Variants in MAP9 observed in about 807,000 individuals in gnomAD.
The protein encoded by MAP9 is microtubule-associated protein 9.
A neutral mutation model predicts 75.2 loss-of-function variants in MAP9; 80 were observed. The ratio of observed to expected loss-of-function variants is 1.06; its 90% CI spans 0.89 to 1.28. The LOEUF (loss-of-function observed/expected upper bound fraction) is 1.28. Among genes scored for constraint, MAP9 ranks in the 50% most tolerant of loss-of-function variants. The pLI, the probability that MAP9 is intolerant of heterozygous loss-of-function variation, is 0.00. For synonymous variants in MAP9, 235 were observed against 237.3 expected, an observed-to-expected ratio of 0.99 and a Z score of 0.09; for missense variants, 753 against 719.9, an observed-to-expected ratio of 1.05 and a Z score of -0.53.
At position 155,355,898 on chromosome 4, in the gene MAP9, A is replaced by T; in HGVS notation, c.1122-14T>A. On this transcript the variant is annotated splice_polypyrimidine_tract_variant and intron_variant, in intron 8 of 13. Transcript: ENST00000311277. The stretch of plus-strand genomic sequence containing the variant: ...GAGGTCATTAATCTGAAAAGATCCA[A>T]ATGAATCAAGACAAAATATTACAAT... 6.2e-7 allele frequency: 1 copy of T among 1,601,670 alleles called. No individual in the cohort carries two copies. Among genetic ancestry groups the T allele is most frequent in the Non-Finnish European group, 8.5e-7 (1 of 1,171,552 alleles).
Position 155,371,662 on chromosome 4 carries a change from T to A in MAP9, c.481+1474A>T, listed in dbSNP as rs180876693. 1.7e-4 allele frequency among the ~76,000 whole-genome samples: 26 copies of A among 151,958 alleles called. No individual in the cohort carries two copies. The East Asian group carries it at 4.8e-3, about 28-fold the overall frequency. ...ATAAGTAGAGCATTTAGGATCCTGA[T>A]GCCACCTTGTGGTTAAAATACAGTA... On this transcript the variant is annotated intron_variant, in intron 4 of 13. Transcript: ENST00000311277.
At position 155,361,696 on chromosome 4, in the gene MAP9, G is replaced by T. The variant is rs1467449581; in HGVS notation, c.802+352C>A. Among the ~76,000 whole-genome samples, 3 of 152,104 alleles carry T rather than the reference G, an allele frequency of 2.0e-5. No individual in the cohort carries two copies. The East Asian group carries it at 5.8e-4, about 29-fold the overall frequency. On this transcript the variant is annotated intron_variant, in intron 6 of 13. Coordinates refer to ENST00000311277, the MANE Select transcript of MAP9 (RefSeq NM_001039580.2). ...TAGTCTCACTTTAAAATTCCACCTA[G>T]CTATTATGTTGTCCTGCAGAATATC...
chr4:155,375,357 G>A (rs1465558502), intron 2 of MAP9, among the ~76,000 whole-genome samples: 3 of 152,042 alleles, frequency 2.0e-5, no homozygotes, highest in Non-Finnish European at 4.4e-5. Context: ...ATTAAAAACT[G>A]GTATTTTGAA....
intron 4 of MAP9, among the ~76,000 whole-genome samples, chr4:155,372,390 C>T (rs911853211): frequency 1.3e-5 from 2 of 152,138 alleles, no homozygotes; most frequent in African/African-American, 4.8e-5. Context: ...AAATCCTTAA[C>T]CTTGCATATA....
intron 5 of MAP9, among the ~76,000 whole-genome samples, chr4:155,364,916 G>T (rs72694404): frequency 0.063 from 9,620 of 151,564 alleles, 369 homozygotes; most frequent in Middle Eastern, 0.12. Context: ...AAAACTAAAA[G>T]ATTCATGATT....
chr4:155,359,167 C>T (rs1560808529), intron 7 of MAP9, among the ~76,000 whole-genome samples: 2 of 149,804 alleles, frequency 1.3e-5, no homozygotes, highest in African/African-American at 2.5e-5. Flanking sequence ...ATGGAATCAA[C>T]CTAAGTGTAC....
chr4:155,362,805 C>A (rs1041344319), intron 5 of MAP9: 4 of 152,102 alleles, frequency 2.6e-5, no homozygotes, highest in Admixed American at 2.0e-4. Context: ...CTTTAATTTT[C>A]TTTCTCCGCA....
At chr4:155,375,048 C>T (rs753341884) in intron 2 of MAP9, 27 bp from the exon 3 acceptor site, 3 of 1,490,030 alleles carry the variant, frequency 2.0e-6, no homozygotes, top group Non-Finnish European at 1.8e-6. Flanking sequence ...AAATCAATTT[C>T]CATCCAAACA....
chr4:155,363,317 G>C (rs895165732), intron 5 of MAP9: 6 of 151,998 alleles, frequency 3.9e-5, no homozygotes, highest in African/African-American at 1.2e-4. Flanking sequence ...GGACATAAAA[G>C]AATACAGAAT....
At chr4:155,349,396 T>G (rs969118516) in intron 13 of MAP9, 1 of 29,282 alleles carries the variant, frequency 3.4e-5, no homozygotes, top group Non-Finnish European at 7.7e-5. Flanking sequence ...GGAAAACCCT[T>G]AGTGAAACCT....
intron 13 of MAP9, chr4:155,351,154 C>T (rs1731493259): frequency 1.3e-5 from 2 of 151,674 alleles, no homozygotes; most frequent in East Asian, 1.9e-4. Context: ...ACTGGAATCA[C>T]GAGACTGACC....
At chr4:155,353,385 T>C (rs778236054) in intron 10 of MAP9, 45 bp from the exon 11 acceptor site, 4 of 1,390,886 alleles carry the variant, frequency 2.9e-6, no homozygotes, top group Non-Finnish European at 3.8e-6. Context: ...TATATGTATA[T>C]ATACATAGAC....
chr4:155,353,914 T>C (rs1310550287), intron 10 of MAP9, among the ~76,000 whole-genome samples: 1 of 152,222 alleles, frequency 6.6e-6, no homozygotes, highest in Non-Finnish European at 1.5e-5. Flanking sequence ...TATGTTATTA[T>C]TTTACTTCCT....
intron 9 of MAP9, among the ~76,000 whole-genome samples, chr4:155,355,364 A>T (rs1731725616): frequency 1.3e-5 from 2 of 152,250 alleles, no homozygotes; most frequent in South Asian, 4.1e-4. Context: ...ACATCTCAGG[A>T]AAGAAAAAAT....
At position 155,345,225 on chromosome 4, in the gene MAP9, AAG is replaced by A. The variant is rs1226529869; in HGVS notation, c.*2556_*2557del. 1 of 152,022 alleles carries A rather than the reference AAG, an allele frequency of 6.6e-6. No homozygotes were observed. Among genetic ancestry groups the A allele is most frequent in the African/African-American group, 2.4e-5 (1 of 41,434 alleles). 9.4% of individuals were successfully genotyped at this position (152,022 alleles called of 1,614,324 possible). A position where few individuals can be genotyped will look rare whatever the true frequency, so the allele number is the denominator to read the frequency against. On this transcript the variant is annotated 3_prime_UTR_variant, in exon 14 of 14. Transcript: ENST00000311277. Reference sequence around the variant, plus strand: ...CCGAACTCAGCTTTATTTGTGCTAGAAGAGGTGATTTTATTCAACTAGTTAAT... The same window carrying A: ...CCGAACTCAGCTTTATTTGTGCTAGAAGGTGATTTTATTCAACTAGTTAAT...
In MAP9 at chr4:155,360,363, A is replaced by T. The variant is rs1732015797; in HGVS notation, c.855T>A (p.Asn285Lys). The change falls in exon 7 of 14, where the codon AAT becomes AAA. Residue 285 changes from asparagine (N) to lysine (K), a missense_variant. Coordinates refer to ENST00000311277, the MANE Select transcript of MAP9 (RefSeq NM_001039580.2). ...ENHNSLKSDENKENSFSADHV... is the reference protein window; with the variant it reads ...ENHNSLKSDEKKENSFSADHV... ...GGTCTGCTGAAAATGAATTCTCTTT[A>T]TTTTCATCTGATTTCAAGGAATTAT... 2 of 1,612,464 alleles carry T rather than the reference A, an allele frequency of 1.2e-6. No homozygotes were observed. Among genetic ancestry groups the T allele is most frequent in the African/African-American group, 2.7e-5 (2 of 74,918 alleles).
intron 13 of MAP9, chr4:155,349,960 A>G: frequency 4.7e-6 from 1 of 211,162 alleles, no homozygotes; most frequent in South Asian, 6.9e-5. Flanking sequence ...CCTTGATAGT[A>G]ATTAAAAGAA....
In MAP9 at chr4:155,344,744, A is replaced by G. The variant is rs957095718; in HGVS notation, c.*3039T>C. On this transcript the variant is annotated 3_prime_UTR_variant, in exon 14 of 14. Transcript: ENST00000311277. ...CTAAAATGCCATATTGCATCTTTTA[A>G]GTTAAATAGCATTACCACTTTCTTC... is the stretch of plus-strand genomic sequence containing the variant. 2 of 152,020 alleles carry G rather than the reference A, an allele frequency of 1.3e-5. No homozygotes were observed. The highest frequency in any genetic ancestry group is 2.9e-5 in the Non-Finnish European group (2 of 67,898). The allele number at this position is 152,020 out of a possible 1,614,324, so 9.4% of individuals were successfully genotyped here. A position where few individuals can be genotyped will look rare whatever the true frequency, so the allele number is the denominator to read the frequency against.
At chr4:155,368,434 T>G in intron 5 of MAP9, 152 bp downstream of exon 5, 2 of 676,534 alleles carry the variant, frequency 3.0e-6, no homozygotes, top group South Asian at 3.7e-5. Context: ...ATACAGTGTA[T>G]TTTTAAAAAT....
Sources: gnomAD v4.1 joint callset for allele counts (sites outside exome capture counted in the v4.1 genomes callset) on GRCh38, gnomAD v4.1.1 for gene constraint, MANE v1.5 for transcripts, NCBI Gene and HGNC (gene_info 2026-07-23, HGNC 2026-07-21) for gene names.